The following STRBP variants were observed in gnomAD, a reference collection of about 807,000 sequenced individuals.
STRBP encodes spermatid perinuclear RNA binding protein, also known as spermatid perinuclear RNA-binding protein.
A neutral mutation model predicts 80.1 loss-of-function variants in STRBP; 13 were observed. That is an observed-to-expected ratio of 0.16 (90% CI 0.11 to 0.26). STRBP has a LOEUF of 0.26. Ranked by LOEUF, STRBP falls within the 10% of genes least tolerant of loss-of-function variation. The pLI is 1.00. For missense variants in STRBP, 485 were observed against 815.2 expected, an observed-to-expected ratio of 0.59 and a Z score of 4.93; for synonymous variants, 284 against 291.2, an observed-to-expected ratio of 0.98 and a Z score of 0.25.
At chr9:123,266,962 C>G (rs539064370) in intron 1 of STRBP, among the ~76,000 whole-genome samples, 18 of 152,072 alleles carry the variant, frequency 1.2e-4, no homozygotes, top group African/African-American at 4.3e-4. Flanking sequence ...CCACCTTCCC[C>G]TCCAGTCTAT....
chr9:123,124,586 G>C lies in STRBP; in HGVS notation c.*1011C>G. 1 of 985,376 alleles carries C rather than the reference G, an allele frequency of 1.0e-6. No individual in the cohort carries two copies. The highest frequency in any genetic ancestry group is 1.2e-6 in the Non-Finnish European group (1 of 829,926). 61.0% of individuals were successfully genotyped at this position (985,376 alleles called of 1,614,324 possible). On this transcript the variant is annotated 3_prime_UTR_variant, in exon 19 of 19. Coordinates refer to ENST00000348403, the MANE Select transcript of STRBP (RefSeq NM_018387.5). ...TGCTGCTTTAGATTCTGATGTAATT[G>C]AAGAGGAAAGGAGACCCTTCAATGA...
At chr9:123,162,230 C>CT (rs60242197) in intron 6 of STRBP, among the ~76,000 whole-genome samples, 205 of 146,620 alleles carry the variant, frequency 1.4e-3, no homozygotes, top group African/African-American at 4.2e-3. Flanking sequence ...TGGTTTTTTT[C>CT]TTTTTTTTTT....
chr9:123,208,844 C>T lies in STRBP; in HGVS notation c.-164-24546G>A, dbSNP rs79162964. Among the ~76,000 whole-genome samples the T allele has an allele frequency of 1.4e-3, 208 of 152,308 alleles. 3 individuals are homozygous for T. In the East Asian group the frequency reaches 0.034, roughly 25 times the overall value. On this transcript the variant is annotated intron_variant, in intron 2 of 18. Coordinates refer to ENST00000348403, the MANE Select transcript of STRBP (RefSeq NM_018387.5). The stretch of plus-strand genomic sequence containing the variant: ...AGCCCAACACTCTGACAAGAATTCA[C>T]AAGAGACTCACAAACAAACATTTGG...
chr9:123,222,672 C>T (rs1054276496), intron 2 of STRBP, among the ~76,000 whole-genome samples: 1 of 152,144 alleles, frequency 6.6e-6, no homozygotes, highest in African/African-American at 2.4e-5. Context: ...GCATACTCTT[C>T]CGAAGGTCAC....
chr9:123,218,418 G>C (rs1394376469), intron 2 of STRBP, among the ~76,000 whole-genome samples: 1 of 138,756 alleles, frequency 7.2e-6, no homozygotes, highest in Non-Finnish European at 1.5e-5. Flanking sequence ...GCCGGACTGC[G>C]GACTGCAGTG....
chr9:123,216,014 T>A (rs2039885615), intron 2 of STRBP, among the ~76,000 whole-genome samples: 1 of 152,172 alleles, frequency 6.6e-6, no homozygotes, highest in Non-Finnish European at 1.5e-5. Flanking sequence ...TGTAACCTAC[T>A]CACAGAAATA....
Position 123,162,087 on chromosome 9 carries a change from G to A in STRBP, c.536-1019C>T, listed in dbSNP as rs532073499. On this transcript the variant is annotated intron_variant, in intron 6 of 18. Transcript: ENST00000348403. ...CCAGCATTATCATGATAGTAACATC[G>A]GATAGAGGTAGCGCATTTGTGTGGG... 1.2e-4 allele frequency among the ~76,000 whole-genome samples: 19 copies of A among 152,220 alleles called. 1 individual carries two copies. The highest frequency in any genetic ancestry group is 4.1e-4 in the African/African-American group (17 of 41,532).
At chr9:123,133,714 A>T in intron 16 of STRBP, among the ~76,000 whole-genome samples, 1 of 151,968 alleles carries the variant, frequency 6.6e-6, no homozygotes, top group East Asian at 1.9e-4. Flanking sequence ...TAATTTTCGT[A>T]TTTTTAGTAG....
chr9:123,157,976 C>A, intron 11 of STRBP, 36 bp downstream of exon 11: 1 of 1,472,004 alleles, frequency 6.8e-7, no homozygotes, highest in Non-Finnish European at 9.5e-7. Context: ...CTACCAGTGC[C>A]AACCCCCAAC....
At chr9:123,111,558 C>T in intron 3 of STRBP, 1 of 472,834 alleles carries the variant, frequency 2.1e-6, no homozygotes, top group African/African-American at 2.0e-5. Flanking sequence ...GCAGGGCTGG[C>T]CTGAGCAAGG....
chr9:123,240,579 A>G (rs950169279), intron 1 of STRBP, among the ~76,000 whole-genome samples: 1 of 152,220 alleles, frequency 6.6e-6, no homozygotes, highest in Non-Finnish European at 1.5e-5. Flanking sequence ...GCATTGATAG[A>G]ATTCATTTTT....
chr9:123,151,442 A>G (rs1014995098), intron 11 of STRBP, among the ~76,000 whole-genome samples: 2 of 152,224 alleles, frequency 1.3e-5, no homozygotes, highest in Admixed American at 1.3e-4. Flanking sequence ...GGGGCATAAA[A>G]TAGGTCTCAA....
intron 2 of STRBP, among the ~76,000 whole-genome samples, chr9:123,222,288 C>T (rs1032851549): frequency 6.6e-6 from 1 of 151,954 alleles, no homozygotes; most frequent in African/African-American, 2.4e-5. Context: ...CAGACATGTG[C>T]CCCGAGCCTT....
rs576503397 is a variant in STRBP, at chr9:123,256,846, G to C, written c.-302+11590C>G. Among the ~76,000 whole-genome samples, 4 of 151,036 alleles carry C rather than the reference G, an allele frequency of 2.6e-5. No individual in the cohort carries two copies. The South Asian group carries it at 8.4e-4, about 32-fold the overall frequency. On this transcript the variant is annotated intron_variant, in intron 1 of 18. Coordinates refer to ENST00000348403, the MANE Select transcript of STRBP (RefSeq NM_018387.5). ...AGAGCACCCAGAGAAAACCCACACA[G>C]ACATGGGGAGAACGTGAAAACTCCA... is the stretch of plus-strand genomic sequence containing the variant.
chr9:123,196,920 A>T (rs762023884), intron 2 of STRBP, among the ~76,000 whole-genome samples: 1 of 152,212 alleles, frequency 6.6e-6, no homozygotes, highest in Non-Finnish European at 1.5e-5. Context: ...AGTACATCGA[A>T]AAGGTAACTG....
At chr9:123,220,834 C>T (rs190392826) in intron 2 of STRBP, among the ~76,000 whole-genome samples, 136 of 152,208 alleles carry the variant, frequency 8.9e-4, no homozygotes, top group African/African-American at 3.0e-3. Context: ...AATGAAGAAA[C>T]CAAGACTTAG....
In STRBP at chr9:123,139,619, T is replaced by G; in HGVS notation, c.1407A>C (p.Lys469Asn). 6.2e-7 allele frequency: 1 copy of G among 1,613,126 alleles called. No homozygotes were observed. Among genetic ancestry groups the G allele is most frequent in the Non-Finnish European group, 8.5e-7 (1 of 1,179,850 alleles). ...ADIECMSSDE[K>N]SDNESKNETV... is the part of the protein sequence containing the mutation. ...TTTCATTTTTACTTTCATTATCTGA[T>G]TTTTCATCGGAACTCATACATTCAA... Residue 469 changes from lysine (K) to asparagine (N), a missense_variant, in exon 14 of 19, where the codon AAA becomes AAC. Around this residue, in one of 3 missense-constraint regions of STRBP, gnomAD observed 377 missense variants for 616.1 expected, o/e 0.61. Transcript: ENST00000348403.
chr9:123,209,349 C>A (rs1227019079), intron 2 of STRBP, among the ~76,000 whole-genome samples: 1 of 152,120 alleles, frequency 6.6e-6, no homozygotes, highest in Non-Finnish European at 1.5e-5. Flanking sequence ...CTACAAATAC[C>A]AGGAAAGCAC....
chr9:123,160,625 AT>A (rs1312675002), intron 7 of STRBP, among the ~76,000 whole-genome samples, 163 bp from the exon 8 acceptor site: 6 of 152,230 alleles, frequency 3.9e-5, no homozygotes, highest in Non-Finnish European at 1.5e-5. Flanking sequence ...AAAAAGGTAC[AT>A]TTTAAAAATA....
Sources: allele counts gnomAD v4.1 joint callset (sites outside exome capture counted in the v4.1 genomes callset), GRCh38; gene constraint gnomAD v4.1.1; regional missense constraint gnomAD v4.1.1; transcripts MANE v1.5; gene names NCBI Gene and HGNC (gene_info 2026-07-23, HGNC 2026-07-21).